SYNE2: variants seen among roughly 807,000 people sequenced by gnomAD.
The protein encoded by SYNE2 is spectrin repeat containing nuclear envelope protein 2, also known as nesprin-2.
SYNE2 carries 431 observed loss-of-function variants against 856.3 expected under a neutral mutation model. The observed-to-expected ratio is 0.50, with a 90% CI of 0.47 to 0.55. The LOEUF is 0.55. Ranked by LOEUF, SYNE2 falls within the 20% of genes least tolerant of loss-of-function variation. SYNE2 has a pLI of 0.00. For synonymous variants in SYNE2, 2,923 were observed against 2,872.3 expected, an observed-to-expected ratio of 1.02 and a Z score of -0.56; for missense variants, 8,129 against 8,023.2, an observed-to-expected ratio of 1.01 and a Z score of -0.50.
intron 12 of SYNE2, 45 bp downstream of exon 12, chr14:63,976,772 T>C (rs758016431): frequency 1.1e-5 from 18 of 1,585,518 alleles, no homozygotes; most frequent in African/African-American, 2.7e-5. Context: ...CATATTTTGT[T>C]AGGGATTGTT....
chr14:64,026,446 T>C (rs1440481554), intron 41 of SYNE2, 133 bp from the exon 42 acceptor site: 9 of 727,934 alleles, frequency 1.2e-5, no homozygotes, highest in Non-Finnish European at 1.9e-5. Flanking sequence ...CGGGTACATA[T>C]AAAAATGAAA....
chr14:64,023,581 TC>T (rs1261343087), intron 38 of SYNE2: 1 of 152,846 alleles, frequency 6.5e-6, no homozygotes, highest in Non-Finnish European at 1.5e-5. Flanking sequence ...CCGCTGAACT[TC>T]AGTACATTTC....
In SYNE2 at chr14:63,963,993, A is replaced by T; in HGVS notation, c.983A>T (p.Lys328Met). 1 of 1,574,858 alleles carries T rather than the reference A, an allele frequency of 6.3e-7. No homozygotes were observed. Among genetic ancestry groups the T allele is most frequent in the Non-Finnish European group, 8.7e-7 (1 of 1,145,388 alleles). Residue 328 changes from lysine to methionine, a missense_variant, in exon 10 of 116, where the codon AAG (lysine) becomes ATG (methionine). Lys to Met is a moderately conservative substitution (Grantham distance 95). Transcript: ENST00000555002. Reference sequence around the variant, plus strand: ...TCAGAGAATGATACCTACTTTAAAAAGTATAATGTAAGTATGATTTTAAAC... The same window carrying T: ...TCAGAGAATGATACCTACTTTAAAATGTATAATGTAAGTATGATTTTAAAC... ...KDSENDTYFK[K>M]YNSLLSFMES...
chr14:64,185,519 C>CTTTTTCT (rs1270669581), intron 96 of SYNE2, among the ~76,000 whole-genome samples: 41 of 77,492 alleles, frequency 5.3e-4, no homozygotes, highest in African/African-American at 2.1e-3. Context: ...TTTTCTTTTT[C>CTTTTTCT]TTTTTTTTTT....
chr14:64,086,512 T>A (rs1024439236), intron 57 of SYNE2, among the ~76,000 whole-genome samples: 3 of 152,184 alleles, frequency 2.0e-5, no homozygotes, highest in Non-Finnish European at 2.9e-5. Context: ...TCTTAGAATC[T>A]GCTTGTTAAT....
At chr14:64,162,019 G>A (rs1351386475) in intron 87 of SYNE2, 53 bp from the exon 88 acceptor site, 24 of 1,589,890 alleles carry the variant, frequency 1.5e-5, no homozygotes, top group East Asian at 1.3e-4. Context: ...TTGTACTTTC[G>A]CTACAAGAGA....
intron 65 of SYNE2, among the ~76,000 whole-genome samples, chr14:64,110,601 C>CG (rs778407847): frequency 9.3e-5 from 10 of 107,044 alleles, no homozygotes; most frequent in African/African-American, 3.3e-4. Flanking sequence ...CCCCCCCCCC[C>CG]GCCAAAGTGT....
At chr14:64,208,966 A>G (rs372969644) in intron 101 of SYNE2, 21 bp downstream of exon 101, 13 of 1,612,024 alleles carry the variant, frequency 8.1e-6, no homozygotes, top group Non-Finnish European at 1.0e-5. Flanking sequence ...AGCTCCCCCA[A>G]ATGCCTTCAG....
chr14:64,027,866 A>G, intron 43 of SYNE2, 73 bp downstream of exon 43: 1 of 1,167,732 alleles, frequency 8.6e-7, no homozygotes, highest in Non-Finnish European at 1.3e-6. Flanking sequence ...ATGTGGAACT[A>G]TCTGTTGTTG....
intron 45 of SYNE2, among the ~76,000 whole-genome samples, chr14:64,037,986 A>T (rs1027331984): frequency 6.7e-6 from 1 of 149,656 alleles, no homozygotes; most frequent in African/African-American, 2.5e-5. Context: ...CCGGGCGGAG[A>T]CGCTCCTCAC....
intron 54 of SYNE2, 150 bp from the exon 55 acceptor site, chr14:64,078,316 C>G (rs2097486601): frequency 1.3e-6 from 1 of 767,048 alleles, no homozygotes; most frequent in African/African-American, 1.7e-5. Context: ...TATCCACCTT[C>G]TCATTAATGC....
chr14:63,948,474 C>T (rs1039538255), intron 6 of SYNE2, among the ~76,000 whole-genome samples: 14 of 151,296 alleles, frequency 9.3e-5, no homozygotes, highest in African/African-American at 2.4e-4. Context: ...CCAACCTGAC[C>T]GACATGGTGG....
At chr14:64,115,925 G>A (rs868797233) in intron 66 of SYNE2, among the ~76,000 whole-genome samples, 5 of 152,078 alleles carry the variant, frequency 3.3e-5, no homozygotes, top group Non-Finnish European at 5.9e-5. Context: ...AGGCCAAGGC[G>A]GGTGGATTGC....
At chr14:64,007,609 G>T (rs2096806993) in intron 31 of SYNE2, among the ~76,000 whole-genome samples, 1 of 152,208 alleles carries the variant, frequency 6.6e-6, no homozygotes, top group Non-Finnish European at 1.5e-5. Context: ...GCGTGAGGTG[G>T]CTCACACCTG....
chr14:64,074,199 C>CT (rs1595338181), intron 53 of SYNE2, 63 bp downstream of exon 53: 1 of 1,540,836 alleles, frequency 6.5e-7, no homozygotes, highest in East Asian at 2.2e-5. Flanking sequence ...ATCCAAAGTC[C>CT]TTGGGGTAGA....
At chr14:63,907,743 A>G (rs915673926) in intron 1 of SYNE2, among the ~76,000 whole-genome samples, 1 of 152,148 alleles carries the variant, frequency 6.6e-6, no homozygotes, top group African/African-American at 2.4e-5. Flanking sequence ...TCCTCAGTAT[A>G]TCGCAAAGCT....
chr14:64,223,202 A>T lies in SYNE2; in HGVS notation c.20204A>T (p.Glu6735Val), dbSNP rs758110510. 1.2e-6 allele frequency: 2 copies of T among 1,613,934 alleles called. No homozygotes were observed. The highest frequency in any genetic ancestry group is 2.2e-5 in the East Asian group (1 of 44,882). ...CRRELMQLEK[E>V]LVERQPQVDM... ...ATCTGTTTTCAGCAACTGGAAAAGG[A>T]GCTGGTAGAACGTCAACCTCAAGTG... Residue 6735 changes from glutamate to valine, a missense_variant, in exon 113 of 116, where the codon GAG (glutamate) becomes GTG (valine). This residue lies in a region of SYNE2 where 5,410 missense variants were observed against 5,284.8 expected (regional missense o/e 1.02). Transcript: ENST00000555002.
intron 45 of SYNE2, among the ~76,000 whole-genome samples, chr14:64,037,192 G>A (rs557597088): frequency 7.9e-5 from 12 of 151,408 alleles, no homozygotes; most frequent in East Asian, 7.8e-4. Flanking sequence ...GGGATTTGGC[G>A]GGGTCATAGG....
chr14:63,963,977 G>A lies in SYNE2; in HGVS notation c.967G>A (p.Asp323Asn). The change falls in exon 10 of 116, where the codon GAT becomes AAT. Residue 323 changes from aspartate to asparagine, a missense_variant. Around this residue, in one of 3 missense-constraint regions of SYNE2, gnomAD observed 2,422 missense variants for 2,357.4 expected, o/e 1.03. Transcript: ENST00000555002. ...GAAGTTGCTAAAGGATTCAGAGAAT[G>A]ATACCTACTTTAAAAAGTATAATGT... ...LQKLLKDSEN[D>N]TYFKKYNSLL... 6.2e-7 allele frequency: 1 copy of A among 1,604,248 alleles called. No homozygotes were observed. Among genetic ancestry groups the A allele is most frequent in the African/African-American group, 1.3e-5 (1 of 74,790 alleles).
Sources: gnomAD v4.1 joint callset for allele counts (sites outside exome capture counted in the v4.1 genomes callset) on GRCh38, gnomAD v4.1.1 for gene constraint, gnomAD v4.1.1 regional missense constraint, MANE v1.5 for transcripts, NCBI Gene and HGNC (gene_info 2026-07-23, HGNC 2026-07-21) for gene names.